Variants in DIS3L2 observed in about 807,000 individuals in gnomAD.
The protein encoded by DIS3L2 is DIS3-like exonuclease 2.
In DIS3L2, 34 loss-of-function variants were observed where a neutral mutation model predicts 97.5. The ratio of observed to expected loss-of-function variants is 0.35; its 90% confidence interval spans 0.27 to 0.46. DIS3L2 has a LOEUF of 0.46. Among genes scored for constraint, DIS3L2 ranks in the 20% least tolerant of loss-of-function variants. DIS3L2 has a pLI of 1.00. For synonymous variants in DIS3L2, 435 were observed against 445.2 expected, an observed-to-expected ratio of 0.98 and a Z score of 0.29; for missense variants, 1,038 against 1,146.0, an observed-to-expected ratio of 0.91 and a Z score of 1.36.
intron 1 of DIS3L2, among the ~76,000 whole-genome samples, chr2:232,000,904 G>A (rs1269489811): frequency 1.3e-5 from 2 of 150,798 alleles, no homozygotes; most frequent in South Asian, 2.1e-4. Flanking sequence ...TTGTTAAACC[G>A]AATGGTATTC....
At chr2:232,335,065 G>A (rs1017738659) in intron 19 of DIS3L2, 4 of 278,180 alleles carry the variant, frequency 1.4e-5, no homozygotes, top group South Asian at 4.5e-5. Context: ...GTCCGTGGCC[G>A]CTTTGGAAAC....
intron 1 of DIS3L2, among the ~76,000 whole-genome samples, chr2:231,963,244 T>C (rs762654287): frequency 3.9e-5 from 6 of 152,216 alleles, no homozygotes; most frequent in Non-Finnish European, 7.3e-5. Context: ...GAGGATCTGT[T>C]GTTTTTTGAC....
intron 12 of DIS3L2, among the ~76,000 whole-genome samples, chr2:232,257,070 T>C (rs1693585728): frequency 6.6e-6 from 1 of 152,192 alleles, no homozygotes; most frequent in Admixed American, 6.5e-5. Flanking sequence ...GTGAGCCACC[T>C]GTGAAGAGAA....
intron 7 of DIS3L2, among the ~76,000 whole-genome samples, chr2:232,134,345 G>A (rs1241432571): frequency 1.3e-5 from 2 of 152,184 alleles, no homozygotes; most frequent in Non-Finnish European, 2.9e-5. Context: ...GTATAACAAT[G>A]TATAATGCTG....
intron 10 of DIS3L2, among the ~76,000 whole-genome samples, chr2:232,231,627 T>A (rs1692795497): frequency 6.6e-6 from 1 of 152,214 alleles, no homozygotes; most frequent in African/African-American, 2.4e-5. Context: ...TCACCTGAGG[T>A]ATGCATATGC....
At chr2:232,148,748 CTTTTTTTTTTT>C (rs34837114) in intron 8 of DIS3L2, among the ~76,000 whole-genome samples, 2 of 98,900 alleles carry the variant, frequency 2.0e-5, no homozygotes, top group African/African-American at 7.8e-5. Context: ...AATTTTCTTT[CTTTTTTTTTTT>C]TTTTTTTTTT....
At chr2:232,237,002 G>T (rs1179336177) in intron 10 of DIS3L2, among the ~76,000 whole-genome samples, 1 of 152,114 alleles carries the variant, frequency 6.6e-6, no homozygotes, top group Non-Finnish European at 1.5e-5. Flanking sequence ...CGCCAGCCTT[G>T]ACCTCCCAAA....
chr2:232,201,212 C>T (rs775293287), intron 9 of DIS3L2, among the ~76,000 whole-genome samples: 32 of 152,360 alleles, frequency 2.1e-4, no homozygotes, highest in Admixed American at 1.2e-3. Flanking sequence ...AGTAATCCAA[C>T]CTGGCAGCCT....
In DIS3L2 at chr2:232,261,175, C is replaced by T. The variant is rs1574978481; in HGVS notation, c.1426-2032C>T. On this transcript the variant is annotated intron_variant, in intron 12 of 20. Coordinates refer to ENST00000325385, the MANE Select transcript of DIS3L2 (RefSeq NM_152383.5). ...TCTGTGATAGTCATGCTCTCAGCTT[C>T]CCTCTTCTTCCCTTCAGGGTCTCCT... Among the ~76,000 whole-genome samples, 3 of 152,290 alleles carry T rather than the reference C, an allele frequency of 2.0e-5. 1 individual carries two copies. The highest frequency in any genetic ancestry group is 2.0e-4 in the Admixed American group (3 of 15,300).
chr2:232,288,451 T>C (rs746581045), intron 13 of DIS3L2, among the ~76,000 whole-genome samples: 5 of 152,192 alleles, frequency 3.3e-5, no homozygotes, highest in Non-Finnish European at 7.3e-5. Flanking sequence ...AAACAAACCA[T>C]GAGGACAACC....
In DIS3L2 at chr2:232,268,289, C is replaced by T. The variant is rs187962738; in HGVS notation, c.1659+4849C>T. Among the ~76,000 whole-genome samples, 193 of 152,276 alleles carry T rather than the reference C, an allele frequency of 1.3e-3. 1 individual carries two copies. The highest frequency in any genetic ancestry group is 2.0e-3 in the Non-Finnish European group (133 of 68,036). Reference sequence around the variant, plus strand: ...ATCCTACTTGGTGCAATTTTGAAACCCAAACTGCAGGCAGTTTCTTTGAGT... The same window carrying T: ...ATCCTACTTGGTGCAATTTTGAAACTCAAACTGCAGGCAGTTTCTTTGAGT... On this transcript the variant is annotated intron_variant, in intron 13 of 20. Transcript: ENST00000325385. This position sits in a 1 kb window ranked among gnomAD's most constrained non-coding sequence, Gnocchi z 4.1.
At chr2:232,078,528 G>C (rs967134385) in intron 5 of DIS3L2, among the ~76,000 whole-genome samples, 4 of 152,184 alleles carry the variant, frequency 2.6e-5, no homozygotes, top group African/African-American at 9.7e-5. Flanking sequence ...TTACTTTACA[G>C]AGTCAAGGAA....
At position 232,024,278 on chromosome 2, in the gene DIS3L2, G is replaced by A. The variant is rs1694597823; in HGVS notation, c.212G>A (p.Gly71Asp). ...CAAACTTTATTTTTTGTTTTAAAGG[G>A]TGTATTGAGAATTAATCCAAAGAAG... is the stretch of plus-strand genomic sequence containing the variant. The part of the protein sequence containing the change: ...EGLKRGTLIQ[G>D]VLRINPKKFH... Residue 71 changes from glycine to aspartate, a missense_variant and splice_region_variant, in exon 4 of 21, where the codon GGT becomes GAT. Gly to Asp is a moderately conservative substitution (Grantham distance 94, BLOSUM62 -1). Transcript: ENST00000325385. The A allele has an allele frequency of 1.3e-6, 2 of 1,597,924 alleles. No homozygotes were observed. The highest frequency in any genetic ancestry group is 2.2e-5 in the East Asian group (1 of 44,546).
intron 13 of DIS3L2, among the ~76,000 whole-genome samples, chr2:232,297,650 C>G (rs978442592): frequency 5.3e-5 from 8 of 151,866 alleles, no homozygotes; most frequent in African/African-American, 1.9e-4. Context: ...CACCTGGAAC[C>G]TCTCAGCTAG....
chr2:232,225,237 CTTAAGT>C (rs1692613178), intron 10 of DIS3L2, among the ~76,000 whole-genome samples: 1 of 152,068 alleles, frequency 6.6e-6, no homozygotes, highest in Admixed American at 6.5e-5. Context: ...CAGTTTTAGT[CTTAAGT>C]ATATACCCCA....
At position 232,325,551 on chromosome 2, in the gene DIS3L2, A is replaced by C. The variant is rs1366147589; in HGVS notation, c.1740-4262A>C. On this transcript the variant is annotated intron_variant, in intron 14 of 20. Coordinates refer to ENST00000325385, the MANE Select transcript of DIS3L2 (RefSeq NM_152383.5). This position sits in a 1 kb window ranked among gnomAD's most constrained non-coding sequence, Gnocchi z 4.6. ...CCAGGGAGGAGAGGTGCTGGGAGTG[A>C]GTGCCGAGGAGCTGGGGTCCTGGCC... Among the ~76,000 whole-genome samples the C allele has an allele frequency of 2.0e-5, 3 of 152,074 alleles. No homozygotes were observed. Among genetic ancestry groups the C allele is most frequent in the Non-Finnish European group, 4.4e-5 (3 of 67,990 alleles).
intron 13 of DIS3L2, among the ~76,000 whole-genome samples, chr2:232,291,927 G>A (rs1349335162): frequency 2.6e-5 from 4 of 152,182 alleles, no homozygotes; most frequent in African/African-American, 9.7e-5. Context: ...CTTTTCCAAA[G>A]CCTCGAAACC....
downstream of DIS3L2, among the ~76,000 whole-genome samples, chr2:232,339,098 C>G (rs1201309596): frequency 1.3e-5 from 2 of 152,184 alleles, no homozygotes; most frequent in African/African-American, 4.8e-5. Context: ...AGTGGCCCAG[C>G]CTGAGGAAGG....
chr2:232,117,358 C>T (rs1225272544), intron 6 of DIS3L2, among the ~76,000 whole-genome samples: 2 of 152,162 alleles, frequency 1.3e-5, no homozygotes, highest in Non-Finnish European at 2.9e-5. Flanking sequence ...TGTATGAAAC[C>T]TTCATAATAA....
Sources: allele counts gnomAD v4.1 joint callset (sites outside exome capture counted in the v4.1 genomes callset), GRCh38; gene constraint gnomAD v4.1.1; non-coding constraint Gnocchi (gnomAD v3.1); transcripts MANE v1.5; gene names NCBI Gene and HGNC (gene_info 2026-07-23, HGNC 2026-07-21).